The following CD300A variants were observed in gnomAD, a reference collection of about 807,000 sequenced individuals.
The protein encoded by CD300A is CD300a molecule.
In CD300A, 22 loss-of-function variants were observed where a neutral mutation model predicts 33.6. The observed-to-expected ratio is 0.66, with a 90% CI of 0.47 to 0.94. CD300A has a LOEUF of 0.94. Ranked by LOEUF, CD300A falls within the 40% of genes least tolerant of loss-of-function variation. The pLI is 0.00. For synonymous variants in CD300A, 136 were observed against 148.1 expected (o/e 0.92, Z 0.59); for missense variants, 326 against 360.5 (o/e 0.90, Z 0.77).
chr17:74,481,871 T>C (rs750289686), intron 6 of CD300A, 38 bp downstream of exon 6: 1 of 1,507,216 alleles, frequency 6.6e-7, no homozygotes, highest in East Asian at 2.3e-5. Context: ...ATGCGGCCCC[T>C]GGGCTGTGCC....
upstream of CD300A, chr17:74,466,561 G>C (rs2144491422): frequency 1.0e-6 from 1 of 960,012 alleles, no homozygotes; most frequent in Non-Finnish European, 1.6e-6. Flanking sequence ...CCGGCTCCAG[G>C]AATAGAACCA....
chr17:74,481,620 G>A, intron 5 of CD300A, 106 bp from the exon 6 acceptor site: 2 of 805,074 alleles, frequency 2.5e-6, no homozygotes, highest in Non-Finnish European at 4.1e-6. Flanking sequence ...GGAAGGTGGG[G>A]GCTGAGGTGC....
chr17:74,476,979 G>A (rs1271922107), intron 3 of CD300A, among the ~76,000 whole-genome samples: 1 of 152,072 alleles, frequency 6.6e-6, no homozygotes, highest in African/African-American at 2.4e-5. Flanking sequence ...GTGTGTATGT[G>A]GGGAAATTGG....
upstream of CD300A, chr17:74,466,406 A>C (rs942942180): frequency 2.7e-6 from 1 of 374,802 alleles, no homozygotes; most frequent in Non-Finnish European, 4.9e-6. Context: ...GTCGGGGATC[A>C]GTCCTGCAAG....
Position 74,474,699 on chromosome 17 carries a change from C to T in CD300A, c.533+14C>T, listed in dbSNP as rs1157840801. ...GGTGAACTCACAGTAAGCACCCTAG[C>T]CCCTGAGACATGGAGGGGGCCCTGT... On this transcript the variant is annotated intron_variant, in intron 3 of 6. Coordinates refer to ENST00000360141, the MANE Select transcript of CD300A (RefSeq NM_007261.4). 1.9e-6 allele frequency: 3 copies of T among 1,613,364 alleles called. No individual in the cohort carries two copies. Among genetic ancestry groups the T allele is most frequent in the Non-Finnish European group, 1.7e-6 (2 of 1,179,568 alleles).
In CD300A at chr17:74,466,779, G is replaced by T. The variant is rs1162197491; in HGVS notation, c.40+36G>T. 5 of 1,570,702 alleles carry T rather than the reference G, an allele frequency of 3.2e-6. No individual in the cohort carries two copies. The East Asian group carries it at 9.4e-5, about 29-fold the overall frequency. ...CCCTTCCCGGGAAAGTCTGCGGCAGGGAGGGAGGGTGCGAGGGGCAGGGCC... is the reference window on the plus strand; with the variant it reads ...CCCTTCCCGGGAAAGTCTGCGGCAGTGAGGGAGGGTGCGAGGGGCAGGGCC... On this transcript the variant is annotated intron_variant, in intron 1 of 6. Coordinates refer to ENST00000360141, the MANE Select transcript of CD300A (RefSeq NM_007261.4).
Position 74,477,525 on chromosome 17 carries a change from T to C in CD300A, c.623T>C (p.Ile208Thr). The stretch of plus-strand genomic sequence containing the variant: ...GCCTGGAGGATGTTTCAGAAATGGA[T>C]CAAAGGTGAGTTGGCTCCCCACACC... ...LLAWRMFQKW[I>T]KAGDHSELSQ... Residue 208 changes from isoleucine to threonine, a missense_variant, in exon 4 of 7, where the codon ATC (isoleucine) becomes ACC (threonine). Transcript: ENST00000360141. 1.2e-6 allele frequency: 2 copies of C among 1,612,332 alleles called. No individual in the cohort carries two copies. The highest frequency in any genetic ancestry group is 1.7e-6 in the Non-Finnish European group (2 of 1,179,234).
chr17:74,467,221 G>A (rs1195249491), intron 1 of CD300A, among the ~76,000 whole-genome samples: 7 of 146,406 alleles, frequency 4.8e-5, no homozygotes, highest in Admixed American at 4.8e-4. Flanking sequence ...ACGGAGGAGG[G>A]GGTGGGGCGG....
rs1471341908 is a variant in CD300A, at chr17:74,481,767, G to A, written c.708G>A (p.Leu236=). The stretch of plus-strand genomic sequence containing the variant: ...AGCTGCACTACGCAAATCTGGAGCT[G>A]CTGATGTGGCCTCTGCAGGAAAAGC... ...QSELHYANLE[L]LMWPLQEKPA... is the part of the protein sequence containing the mutation. Residue 236 remains leucine (L), a synonymous_variant, in exon 6 of 7, where the codon CTG becomes CTA. Coordinates refer to ENST00000360141, the MANE Select transcript of CD300A (RefSeq NM_007261.4). 1 of 1,612,762 alleles carries A rather than the reference G, an allele frequency of 6.2e-7. No individual in the cohort carries two copies. The highest frequency in any genetic ancestry group is 1.3e-5 in the African/African-American group (1 of 74,936).
chr17:74,477,564 T>G, intron 4 of CD300A, 34 bp downstream of exon 4: 1 of 1,493,254 alleles, frequency 6.7e-7, no homozygotes, highest in Non-Finnish European at 9.3e-7. Flanking sequence ...CTGCCCCACC[T>G]GGGGTGGTCA....
Position 74,466,664 on chromosome 17 carries a change from TGGAGCTG to T in CD300A, c.-39_-33del. ...TTTCCCCTCGGGTCCAGGTAGGGCC[TGGAGCTG>T]CTGCAAGTGCCGCCTGTGCTGGGGA... On this transcript the variant is annotated 5_prime_UTR_variant, in exon 1 of 7. Coordinates refer to ENST00000360141, the MANE Select transcript of CD300A (RefSeq NM_007261.4). 1 of 1,576,722 alleles carries T rather than the reference TGGAGCTG, an allele frequency of 6.3e-7. No individual in the cohort carries two copies. The highest frequency in any genetic ancestry group is 8.6e-7 in the Non-Finnish European group (1 of 1,160,410).
intron 6 of CD300A, among the ~76,000 whole-genome samples, chr17:74,482,732 T>TCC (rs1555639394): frequency 4.5e-5 from 6 of 133,032 alleles, no homozygotes; most frequent in African/African-American, 1.9e-4. Flanking sequence ...CTTTCTTTCT[T>TCC]TGGAATCTCG....
At chr17:74,479,419 A>T (rs1420323964) in intron 4 of CD300A, among the ~76,000 whole-genome samples, 2 of 147,804 alleles carry the variant, frequency 1.4e-5, no homozygotes, top group Non-Finnish European at 1.5e-5. Context: ...TAATGGTTAA[A>T]TTTTTTTTTT....
chr17:74,466,638 C>A lies in CD300A; in HGVS notation c.-66C>A. 1 of 1,538,484 alleles carries A rather than the reference C, an allele frequency of 6.5e-7. No individual in the cohort carries two copies. Among genetic ancestry groups the A allele is most frequent in the Non-Finnish European group, 8.8e-7 (1 of 1,133,304 alleles). On this transcript the variant is annotated 5_prime_UTR_variant, in exon 1 of 7. Transcript: ENST00000360141. Reference sequence around the variant, plus strand: ...AGAAGTCGGGGCCTTGGAGGCGTGACTTTCCCCTCGGGTCCAGGTAGGGCC... The same window carrying A: ...AGAAGTCGGGGCCTTGGAGGCGTGAATTTCCCCTCGGGTCCAGGTAGGGCC...
intron 2 of CD300A, among the ~76,000 whole-genome samples, 171 bp from the exon 3 acceptor site, chr17:74,474,361 G>A (rs1906322635): frequency 1.3e-5 from 2 of 152,180 alleles, no homozygotes; most frequent in Admixed American, 1.3e-4. Context: ...GTCCTGTTCA[G>A]AAATGCCCAG....
At position 74,474,675 on chromosome 17, in the gene CD300A, G is replaced by A. The variant is rs1265263844; in HGVS notation, c.523G>A (p.Val175Met). 6.2e-7 allele frequency: 1 copy of A among 1,614,132 alleles called. No individual in the cohort carries two copies. ...ASIQEETEEV[V>M]NSQLPLLLSL... ...CATCCAGGAGGAAACTGAGGAGGTG[G>A]TGAACTCACAGTAAGCACCCTAGCC... Residue 175 changes from valine to methionine, a missense_variant, in exon 3 of 7, where the codon GTG becomes ATG. By Grantham distance (21) the Val-to-Met change is conservative. Transcript: ENST00000360141.
chr17:74,477,821 T>G (rs963824792), intron 4 of CD300A, among the ~76,000 whole-genome samples: 1 of 152,114 alleles, frequency 6.6e-6, no homozygotes, highest in African/African-American at 2.4e-5. Context: ...TGGCATGGTG[T>G]GCTGGGTGCA....
chr17:74,467,151 G>C lies in CD300A; in HGVS notation c.40+408G>C, dbSNP rs1905769781. On this transcript the variant is annotated intron_variant, in intron 1 of 6. Coordinates refer to ENST00000360141, the MANE Select transcript of CD300A (RefSeq NM_007261.4). ...AGATGCCGGGCTCACTGGGTGCAGGGTATGGAGGAGGGGGGTGTGGGGAGG... is the reference window on the plus strand; with the variant it reads ...AGATGCCGGGCTCACTGGGTGCAGGCTATGGAGGAGGGGGGTGTGGGGAGG... Among the ~76,000 whole-genome samples the C allele has an allele frequency of 3.7e-5, 5 of 133,694 alleles. No individual in the cohort carries two copies. In the South Asian group the frequency reaches 1.4e-3, roughly 36 times the overall value. The allele number at this position is 133,694 out of a possible 152,430, so 87.7% of individuals were successfully genotyped here.
chr17:74,482,373 C>T (rs1335019490), intron 6 of CD300A, among the ~76,000 whole-genome samples: 1 of 151,754 alleles, frequency 6.6e-6, no homozygotes, highest in South Asian at 2.1e-4. Context: ...CTTAAAGTGC[C>T]CCCAGGCCTG....
Sources: allele counts gnomAD v4.1 joint callset (sites outside exome capture counted in the v4.1 genomes callset), GRCh38; gene constraint gnomAD v4.1.1; transcripts MANE v1.5; gene names NCBI Gene and HGNC (gene_info 2026-07-23, HGNC 2026-07-21).